ABL2: variants seen among roughly 807,000 people sequenced by gnomAD.
ABL2 encodes the protein tyrosine-protein kinase ABL2.
Under a neutral mutation model 107.7 loss-of-function variants are expected in ABL2, and 49 were observed. That is an observed-to-expected ratio of 0.45 (90% CI 0.36 to 0.58). ABL2 has a LOEUF of 0.58. ABL2 is among the 20% of genes least tolerant of loss of function. ABL2 has a pLI of 0.00. For synonymous variants in ABL2, 549 were observed against 548.6 expected, an observed-to-expected ratio of 1.00 and a Z score of -0.01; for missense variants, 1,245 against 1,457.0, an observed-to-expected ratio of 0.85 and a Z score of 2.37.
intron 1 of ABL2, among the ~76,000 whole-genome samples, chr1:179,195,522 T>G (rs1661258543): frequency 6.6e-6 from 1 of 152,294 alleles, no homozygotes; most frequent in African/African-American, 2.4e-5. Context: ...ACAATTTCAC[T>G]TCTGTATATA....
At chr1:179,173,095 C>G (rs1271336551) in intron 1 of ABL2, among the ~76,000 whole-genome samples, 1 of 151,072 alleles carries the variant, frequency 6.6e-6, no homozygotes, top group East Asian at 2.0e-4. Context: ...GAGGCTTAGG[C>G]AGGAGAATCG....
chr1:179,221,767 A>G (rs1160134956), intron 1 of ABL2: 2 of 232,498 alleles, frequency 8.6e-6, no homozygotes, highest in Non-Finnish European at 1.8e-5. Flanking sequence ...CCCCTAATTG[A>G]TAATTATTCC....
At position 179,102,082 on chromosome 1, in the gene ABL2, G is replaced by A; in HGVS notation, c.*5636C>T. 7.0e-6 allele frequency: 1 copy of A among 142,330 alleles called. No individual in the cohort carries two copies. Among genetic ancestry groups the A allele is most frequent in the Non-Finnish European group, 1.4e-5 (1 of 71,342 alleles). The allele number at this position is 142,330 out of a possible 1,614,324, so 8.8% of individuals were successfully genotyped here. A position where few individuals can be genotyped will look rare whatever the true frequency, so the allele number is the denominator to read the frequency against. On this transcript the variant is annotated 3_prime_UTR_variant, in exon 12 of 12. Transcript: ENST00000502732. Reference sequence around the variant, plus strand: ...GCTGGAGTGCAGTGGCGCGATCTGGGCTCACTGCAAGCTCCGCCTCCTGGG... The same window carrying A: ...GCTGGAGTGCAGTGGCGCGATCTGGACTCACTGCAAGCTCCGCCTCCTGGG...
intron 1 of ABL2, among the ~76,000 whole-genome samples, chr1:179,201,048 A>G (rs1661639543): frequency 6.6e-6 from 1 of 152,228 alleles, no homozygotes; most frequent in Non-Finnish European, 1.5e-5. Flanking sequence ...CATTGTTTAT[A>G]CAAACAGCTT....
intron 1 of ABL2, among the ~76,000 whole-genome samples, chr1:179,141,044 A>G (rs1489242838): frequency 1.4e-5 from 2 of 146,128 alleles, no homozygotes; most frequent in East Asian, 4.0e-4. Context: ...TGAACCCGGG[A>G]GGCAGAGGTT....
At chr1:179,138,699 G>A (rs1049001244) in intron 1 of ABL2, among the ~76,000 whole-genome samples, 6 of 152,270 alleles carry the variant, frequency 3.9e-5, no homozygotes, top group South Asian at 4.1e-4. Context: ...GCCCTCGCTC[G>A]CTCTCGGTGC....
At chr1:179,164,140 G>A (rs547462062) in intron 1 of ABL2, among the ~76,000 whole-genome samples, 2 of 152,164 alleles carry the variant, frequency 1.3e-5, no homozygotes, top group East Asian at 3.9e-4. Flanking sequence ...ATTTACATGT[G>A]TTAAAATTCA....
Sources: gnomAD v4.1 joint callset for allele counts (sites outside exome capture counted in the v4.1 genomes callset) on GRCh38, gnomAD v4.1.1 for gene constraint, MANE v1.5 for transcripts, NCBI Gene and HGNC (gene_info 2026-07-23, HGNC 2026-07-21) for gene names.